NUDT6: variants seen among roughly 807,000 people sequenced by gnomAD.
NUDT6 encodes FAD diphosphatase NUDT6.
Under a neutral mutation model 36.8 loss-of-function variants are expected in NUDT6, and 24 were observed. The observed-to-expected ratio is 0.65, with a 90% CI of 0.47 to 0.92. NUDT6 has a LOEUF of 0.92. NUDT6 is among the 40% of genes least tolerant of loss of function. NUDT6 has a pLI of 0.00. For missense variants in NUDT6, 388 were observed against 392.8 expected (o/e 0.99, Z 0.10); for synonymous variants, 163 against 157.0 (o/e 1.04, Z -0.29).
Position 122,917,723 on chromosome 4 carries a change from A to C in NUDT6, c.239-19T>G. ...ACTGCAGCTAAATGCAGAAGAAAAAAGTCTAAATAATTTCCAAAGAGACGA... is the reference window on the plus strand; with the variant it reads ...ACTGCAGCTAAATGCAGAAGAAAAACGTCTAAATAATTTCCAAAGAGACGA... On this transcript the variant is annotated intron_variant, in intron 1 of 4. Coordinates refer to ENST00000304430, the MANE Select transcript of NUDT6 (RefSeq NM_007083.5). 1.2e-6 allele frequency: 2 copies of C among 1,610,072 alleles called. No individual in the cohort carries two copies. The highest frequency in any genetic ancestry group is 1.1e-5 in the South Asian group (1 of 90,708).
At chr4:122,906,528 T>C (rs1317173414) in intron 3 of NUDT6, among the ~76,000 whole-genome samples, 1 of 152,126 alleles carries the variant, frequency 6.6e-6, no homozygotes, top group East Asian at 1.9e-4. Flanking sequence ...TGACTGGACC[T>C]GGAAAGTAGG....
In NUDT6 at chr4:122,892,820, A is replaced by C. The variant is rs917832452; in HGVS notation, c.*8T>G. On this transcript the variant is annotated 3_prime_UTR_variant, in exon 5 of 5. Coordinates refer to ENST00000304430, the MANE Select transcript of NUDT6 (RefSeq NM_007083.5). ...AGTCTACATGTTTCTAAACATATAAATGTGAATTTAATCAATTCCTTTCAT... is the reference window on the plus strand; with the variant it reads ...AGTCTACATGTTTCTAAACATATAACTGTGAATTTAATCAATTCCTTTCAT... 3.2e-6 allele frequency: 5 copies of C among 1,581,208 alleles called. No homozygotes were observed. The highest frequency in any genetic ancestry group is 4.3e-6 in the Non-Finnish European group (5 of 1,159,316).
At chr4:122,904,629 G>A (rs1397768534) in intron 3 of NUDT6, among the ~76,000 whole-genome samples, 2 of 152,026 alleles carry the variant, frequency 1.3e-5, no homozygotes. Flanking sequence ...GCTAATTTTT[G>A]TATTTTTGTA....
Position 122,917,548 on chromosome 4 carries a change from C to T in NUDT6, c.395G>A (p.Gly132Glu). Residue 132 changes from glycine to glutamate, a missense_variant, in exon 2 of 5, where the codon GGG becomes GAG. Physicochemically the swap from Gly to Glu is moderately conservative, Grantham distance 98. Transcript: ENST00000304430. Reference protein sequence around the residue: ...SSTLTLWLREGPSRLPGYASH... With the variant: ...SSTLTLWLREEPSRLPGYASH... ...AGCATATCCTGGTAATCTGCTGGGCCCTTCTCTCAGCCACAGAGTCAACGT... is the reference window on the plus strand; with the variant it reads ...AGCATATCCTGGTAATCTGCTGGGCTCTTCTCTCAGCCACAGAGTCAACGT... 1 of 1,614,124 alleles carries T rather than the reference C, an allele frequency of 6.2e-7. No individual in the cohort carries two copies. The highest frequency in any genetic ancestry group is 8.5e-7 in the Non-Finnish European group (1 of 1,180,024).
At chr4:122,916,659 T>C (rs942547884) in intron 2 of NUDT6, among the ~76,000 whole-genome samples, 8 of 152,232 alleles carry the variant, frequency 5.3e-5, no homozygotes, top group South Asian at 4.1e-4. Context: ...TGTCTACTGA[T>C]TGAGGCAAAC....
At chr4:122,895,345 A>T (rs182205477) in intron 4 of NUDT6, 34 of 152,374 alleles carry the variant, frequency 2.2e-4, no homozygotes, top group African/African-American at 7.9e-4. Flanking sequence ...AGATATGTTT[A>T]AATATGTTGT....
rs757751594 is a variant in NUDT6, at chr4:122,893,244, G to T, written c.554-19C>A. 6.4e-7 allele frequency: 1 copy of T among 1,560,786 alleles called. No individual in the cohort carries two copies. Among genetic ancestry groups the T allele is most frequent in the South Asian group, 1.2e-5 (1 of 82,434 alleles). On this transcript the variant is annotated intron_variant, in intron 4 of 4. Coordinates refer to ENST00000304430, the MANE Select transcript of NUDT6 (RefSeq NM_007083.5). ...GTGTCTCCTACGTAAAAAAAGAGAT[G>T]TACAAATCAATAATAATTACACTTT...
chr4:122,915,568 C>A (rs892271179), intron 2 of NUDT6, among the ~76,000 whole-genome samples: 6 of 151,758 alleles, frequency 4.0e-5, no homozygotes, highest in African/African-American at 1.5e-4. Context: ...GCTTCAAATC[C>A]TAGTTAGTGT....
At chr4:122,906,998 A>G (rs1275502320) in intron 3 of NUDT6, among the ~76,000 whole-genome samples, 1 of 152,210 alleles carries the variant, frequency 6.6e-6, no homozygotes, top group Non-Finnish European at 1.5e-5. Flanking sequence ...AGTTCCGGGA[A>G]TTGCCTGCCC....
In NUDT6 at chr4:122,922,456, C is replaced by G. The variant is rs578252578; in HGVS notation, c.117G>C (p.Pro39=). 11 of 1,611,978 alleles carry G rather than the reference C, an allele frequency of 6.8e-6. No individual in the cohort carries two copies. The East Asian group carries it at 2.0e-4, about 29-fold the overall frequency. ...ASGAQGYVRN[P]PVGACDLQGE... is the part of the protein sequence containing the mutation. Reference sequence around the variant, plus strand: ...CCTGCAGATCGCACGCTCCAACTGGCGGATTCCGCACGTAACCCTGTGCGC... The same window carrying G: ...CCTGCAGATCGCACGCTCCAACTGGGGGATTCCGCACGTAACCCTGTGCGC... The change falls in exon 1 of 5, where the codon CCG becomes CCC. Residue 39 remains proline, a synonymous_variant. Coordinates refer to ENST00000304430, the MANE Select transcript of NUDT6 (RefSeq NM_007083.5).
At chr4:122,911,337 T>C (rs770428067) in intron 3 of NUDT6, among the ~76,000 whole-genome samples, 65 of 152,318 alleles carry the variant, frequency 4.3e-4, no homozygotes, top group Middle Eastern at 3.4e-3. Flanking sequence ...TTTTAATAGT[T>C]ACTGTTTCCA....
rs1339043418 is a variant in NUDT6 at position 122,893,064 on chromosome 4, A to C, written c.715T>G (p.Cys239Gly). Reference protein sequence around the residue: ...LKPYSFTINFCQEECLRCEWM... With the variant: ...LKPYSFTINFGQEECLRCEWM... Reference sequence around the variant, plus strand: ...TCACATCTTAAGCATTCTTCCTGGCAAAAATTTATGGTGAATGAATATGGC... The same window carrying C: ...TCACATCTTAAGCATTCTTCCTGGCCAAAATTTATGGTGAATGAATATGGC... The change falls in exon 5 of 5, where the codon TGC (cysteine) becomes GGC (glycine). Residue 239 changes from cysteine (C) to glycine (G), a missense_variant. Cys to Gly is a radical substitution (Grantham distance 159). Transcript: ENST00000304430. The C allele has an allele frequency of 6.2e-7, 1 of 1,614,152 alleles. No homozygotes were observed. The highest frequency in any genetic ancestry group is 1.1e-5 in the South Asian group (1 of 91,086).
At chr4:122,897,894 T>C in intron 3 of NUDT6, 1 of 539,128 alleles carries the variant, frequency 1.9e-6, no homozygotes, top group East Asian at 3.1e-5. Flanking sequence ...CCTTTTCTCT[T>C]CAGGAAATAT....
intron 1 of NUDT6, chr4:122,918,744 G>C (rs1186302195): frequency 6.6e-6 from 1 of 152,180 alleles, no homozygotes; most frequent in African/African-American, 2.4e-5. Flanking sequence ...CTTTAATAAA[G>C]ACTTCCTGAT....
intron 4 of NUDT6, 22 bp from the exon 5 acceptor site, chr4:122,893,247 C>A (rs189490769): frequency 6.4e-7 from 1 of 1,559,514 alleles, no homozygotes; most frequent in African/African-American, 1.4e-5. Flanking sequence ...AAGAGATGTA[C>A]AAATCAATAA....
intron 3 of NUDT6, among the ~76,000 whole-genome samples, chr4:122,909,620 G>GTGCACTACAGGCTGGTACTC (rs1727693578): frequency 6.6e-6 from 1 of 152,180 alleles, no homozygotes; most frequent in African/African-American, 2.4e-5. Context: ...AGAGCCTTCT[G>GTGCACTACAGGCTGGTACTC]TGCACTACAG....
chr4:122,906,577 G>T (rs898597214), intron 3 of NUDT6, among the ~76,000 whole-genome samples: 1 of 152,150 alleles, frequency 6.6e-6, no homozygotes, highest in Non-Finnish European at 1.5e-5. Flanking sequence ...AAGACATCTA[G>T]GTGCTAGAGG....
Position 122,892,699 on chromosome 4 carries a change from G to A in NUDT6, c.*129C>T. ...GAGGCTTTTAAAATGTGCATGTTTAGAAACAAAATTTCTTCATGGAAATCA... is the reference window on the plus strand; with the variant it reads ...GAGGCTTTTAAAATGTGCATGTTTAAAAACAAAATTTCTTCATGGAAATCA... On this transcript the variant is annotated 3_prime_UTR_variant, in exon 5 of 5. Coordinates refer to ENST00000304430, the MANE Select transcript of NUDT6 (RefSeq NM_007083.5). 1.5e-6 allele frequency: 2 copies of A among 1,357,626 alleles called. No homozygotes were observed. Among genetic ancestry groups the A allele is most frequent in the Non-Finnish European group, 2.0e-6 (2 of 1,023,978 alleles). The allele number at this position is 1,357,626 out of a possible 1,614,324, so 84.1% of individuals were successfully genotyped here.
intron 4 of NUDT6, chr4:122,895,521 T>G (rs1727322476): frequency 6.6e-6 from 1 of 152,254 alleles, no homozygotes; most frequent in Non-Finnish European, 1.5e-5. Flanking sequence ...GCACTGATGA[T>G]CTCTGATAAG....
Sources: gnomAD v4.1 joint callset for allele counts (sites outside exome capture counted in the v4.1 genomes callset) on GRCh38, gnomAD v4.1.1 for gene constraint, MANE v1.5 for transcripts, NCBI Gene and HGNC (gene_info 2026-07-23, HGNC 2026-07-21) for gene names.